SYNCRIP: variants seen among roughly 807,000 people sequenced by gnomAD.
The protein encoded by SYNCRIP is heterogeneous nuclear ribonucleoprotein Q.
A neutral mutation model predicts 68.9 loss-of-function variants in SYNCRIP; 9 were observed. The ratio of observed to expected loss-of-function variants is 0.13; its 90% CI spans 0.08 to 0.23. SYNCRIP has a LOEUF of 0.23. Among genes scored for constraint, SYNCRIP ranks in the 10% least tolerant of loss-of-function variants. SYNCRIP has a pLI of 1.00. For synonymous variants in SYNCRIP, 258 were observed against 254.0 expected (o/e 1.02, Z -0.15); for missense variants, 414 against 770.6 (o/e 0.54, Z 5.48).
intron 7 of SYNCRIP, 50 bp from the exon 8 acceptor site, chr6:85,622,737 T>C: frequency 1.4e-6 from 2 of 1,419,676 alleles, no homozygotes; most frequent in Admixed American, 1.7e-5. Context: ...AACTAGCAAA[T>C]ACAAGTGGAT....
At chr6:85,626,673 T>A (rs1218722573) in intron 6 of SYNCRIP, among the ~76,000 whole-genome samples, 1 of 152,066 alleles carries the variant, frequency 6.6e-6, no homozygotes, top group Non-Finnish European at 1.5e-5. Flanking sequence ...AAGGCAACAA[T>A]AATCAAAGAA....
At chr6:85,627,608 A>G (rs776959575) in intron 6 of SYNCRIP, among the ~76,000 whole-genome samples, 7 of 152,224 alleles carry the variant, frequency 4.6e-5, no homozygotes, top group African/African-American at 9.7e-5. Context: ...ACAAATGTGA[A>G]TAAGAGATTC....
At chr6:85,623,507 G>A (rs1220137570) in intron 7 of SYNCRIP, among the ~76,000 whole-genome samples, 2 of 132,850 alleles carry the variant, frequency 1.5e-5, no homozygotes, top group African/African-American at 3.0e-5. Flanking sequence ...GAGGCTGCAG[G>A]GAGCCAAGAT....
At chr6:85,642,374 G>A (rs1356583650) in intron 1 of SYNCRIP, among the ~76,000 whole-genome samples, 8 of 152,136 alleles carry the variant, frequency 5.3e-5, no homozygotes, top group Admixed American at 2.0e-4. Context: ...ACGCCTGCCC[G>A]GCAACCCAGC....
At chr6:85,640,956 A>G (rs1345556862) in intron 2 of SYNCRIP, among the ~76,000 whole-genome samples, 2 of 152,230 alleles carry the variant, frequency 1.3e-5, no homozygotes, top group Non-Finnish European at 2.9e-5. Context: ...ACAAGAAAAC[A>G]AGTCTACAGT....
At chr6:85,635,774 CAAAAAAAAAAAAAA>C (rs58599854) in intron 6 of SYNCRIP, among the ~76,000 whole-genome samples, 3 of 78,908 alleles carry the variant, frequency 3.8e-5, no homozygotes, top group South Asian at 5.4e-4. Flanking sequence ...TTCTATCTCC[CAAAAAAAAAAAAAA>C]AAAAAAAAAG....
chr6:85,620,621 AGAGT>A (rs1398154132), intron 8 of SYNCRIP, among the ~76,000 whole-genome samples: 1 of 152,234 alleles, frequency 6.6e-6, no homozygotes, highest in Non-Finnish European at 1.5e-5. Context: ...ACATACATCT[AGAGT>A]GAGACCTCAT....
chr6:85,628,869 G>T (rs998382184), intron 6 of SYNCRIP, among the ~76,000 whole-genome samples: 1 of 152,144 alleles, frequency 6.6e-6, no homozygotes, highest in Admixed American at 6.5e-5. Flanking sequence ...GTTACCAAAC[G>T]TATCATGAAC....
At position 85,614,179 on chromosome 6, in the gene SYNCRIP, T is replaced by G; in HGVS notation, c.*577A>C. 1 of 985,828 alleles carries G rather than the reference T, an allele frequency of 1.0e-6. No individual in the cohort carries two copies. The allele number at this position is 985,828 out of a possible 1,614,324, so 61.1% of individuals were successfully genotyped here. On this transcript the variant is annotated 3_prime_UTR_variant, in exon 11 of 11. Transcript: ENST00000369622. ...TGAACCAAATTTGCAGGAAATTTTG[T>G]GAAAAACGAATTGTAAACACAATTT...
chr6:85,609,322 C>T (rs564107908), downstream of SYNCRIP: 8 of 151,954 alleles, frequency 5.3e-5, no homozygotes, highest in African/African-American at 1.7e-4. Context: ...CTTTTGGCTT[C>T]GCAGTCAAAA....
At chr6:85,631,341 A>AAAAAAAAAAAAAAAAAAAAAAAAAAAAAG (rs1562099796) in intron 6 of SYNCRIP, among the ~76,000 whole-genome samples, 3 of 147,068 alleles carry the variant, frequency 2.0e-5, no homozygotes, top group African/African-American at 7.6e-5. Flanking sequence ...TGTGTCTCCA[A>AAAAAAAAAAAAAAAAAAAAAAAAAAAAAG]AAAAAAAAAA....
Position 85,636,170 on chromosome 6 carries a change from C to A in SYNCRIP, c.666+797G>T, listed in dbSNP as rs570276212. Among the ~76,000 whole-genome samples the A allele has an allele frequency of 2.0e-5, 3 of 152,118 alleles. No individual in the cohort carries two copies. In the South Asian group the frequency reaches 6.2e-4, roughly 32 times the overall value. On this transcript the variant is annotated intron_variant, in intron 6 of 10. Transcript: ENST00000369622. ...ATATTAAAATTTCTTTCTAGCCAGG[C>A]GTGGTGGCTCACGTCTAAAATCCCA...
upstream of SYNCRIP, among the ~76,000 whole-genome samples, chr6:85,643,481 T>C (rs1809452596): frequency 1.3e-5 from 2 of 151,718 alleles, no homozygotes; most frequent in Admixed American, 1.3e-4. Flanking sequence ...GGGCCGAGAC[T>C]GAATGAAAGG....
intron 6 of SYNCRIP, among the ~76,000 whole-genome samples, chr6:85,635,336 C>T (rs763542942): frequency 1.5e-4 from 23 of 152,270 alleles, no homozygotes; most frequent in Non-Finnish European, 2.5e-4. Flanking sequence ...AGAGAAAAAT[C>T]AGACATGATT....
At chr6:85,637,450 TTATCTTGGCATGTTCCCTTATAA>T in intron 4 of SYNCRIP, 94 bp from the exon 5 acceptor site, 1 of 812,278 alleles carries the variant, frequency 1.2e-6, no homozygotes, top group Non-Finnish European at 1.9e-6. Context: ...ATCTTTCCAA[TTATCTTGGCATGTTCCCTTATAA>T]AAACAGGTTT....
downstream of SYNCRIP, chr6:85,610,410 T>A (rs1370881875): frequency 6.6e-6 from 1 of 152,038 alleles, no homozygotes; most frequent in East Asian, 1.9e-4. Context: ...CTTCTTTAAG[T>A]ATAACCATCA....
intron 6 of SYNCRIP, among the ~76,000 whole-genome samples, chr6:85,636,303 G>A (rs749270935): frequency 3.3e-5 from 5 of 152,006 alleles, no homozygotes; most frequent in African/African-American, 4.8e-5. Context: ...AAATTAGCCT[G>A]AGCGTGGTGG....
rs769199486 is a variant in SYNCRIP, at chr6:85,640,262, C to T, written c.334G>A (p.Val112Ile). 19 of 1,613,738 alleles carry T rather than the reference C, an allele frequency of 1.2e-5. 1 individual carries two copies. In the South Asian group the frequency reaches 1.8e-4, roughly 15 times the overall value. Reference protein sequence around the residue: ...YRQREKQGTKVADSSKGPDEA... With the variant: ...YRQREKQGTKIADSSKGPDEA... ...TCTGGTCCTTTACTAGAATCTGCTA[C>T]TTTGGTCCCTTGTTTTTCTCTCTGC... Residue 112 changes from valine (V) to isoleucine (I), a missense_variant, in exon 4 of 11, where the codon GTA (valine) becomes ATA (isoleucine). Val to Ile is a conservative substitution (Grantham distance 29). This residue lies in a region of SYNCRIP where 110 missense variants were observed against 269.3 expected (regional missense o/e 0.41). Coordinates refer to ENST00000369622, the MANE Select transcript of SYNCRIP (RefSeq NM_006372.5).
At chr6:85,624,678 T>C (rs1408937838) in intron 6 of SYNCRIP, among the ~76,000 whole-genome samples, 2 of 152,170 alleles carry the variant, frequency 1.3e-5, no homozygotes, top group Non-Finnish European at 2.9e-5. Flanking sequence ...ATGGCAAAAA[T>C]ATACAGAAAC....
Sources: allele counts gnomAD v4.1 joint callset (sites outside exome capture counted in the v4.1 genomes callset), GRCh38; gene constraint gnomAD v4.1.1; regional missense constraint gnomAD v4.1.1; transcripts MANE v1.5; gene names NCBI Gene and HGNC (gene_info 2026-07-23, HGNC 2026-07-21).